Variants in PEX5L observed in about 807,000 individuals in gnomAD.
PEX5L encodes the protein peroxisomal biogenesis factor 5 like, also known as PEX5-related protein.
A neutral mutation model predicts 84.0 loss-of-function variants in PEX5L; 30 were observed. The observed-to-expected ratio is 0.36, with a 90% CI of 0.27 to 0.48. The LOEUF (loss-of-function observed/expected upper bound fraction) is 0.48, where lower values mean the gene tolerates loss of function less well. PEX5L is among the 20% of genes least tolerant of loss of function. The pLI is 0.99. For missense variants in PEX5L, 533 were observed against 754.6 expected, an observed-to-expected ratio of 0.71 and a Z score of 3.44; for synonymous variants, 270 against 283.1, an observed-to-expected ratio of 0.95 and a Z score of 0.46.
intron 7 of PEX5L, among the ~76,000 whole-genome samples, chr3:179,864,200 G>A (rs1160797658): frequency 6.6e-6 from 1 of 152,056 alleles, no homozygotes; most frequent in South Asian, 2.1e-4. Flanking sequence ...ATATCCAAAG[G>A]AAATGAAATC....
intron 2 of PEX5L, chr3:179,902,595 C>T (rs569967425): frequency 1.1e-4 from 51 of 443,714 alleles, no homozygotes; most frequent in African/African-American, 7.7e-4. Flanking sequence ...TAGGTTTATA[C>T]GCTTTAGCAT....
chr3:180,018,123 C>T (rs1790096341), intron 1 of PEX5L, among the ~76,000 whole-genome samples: 1 of 152,174 alleles, frequency 6.6e-6, no homozygotes, highest in Non-Finnish European at 1.5e-5. Flanking sequence ...ATATACGTTA[C>T]ATTAGAACAT....
intron 3 of PEX5L, among the ~76,000 whole-genome samples, chr3:179,896,878 A>G (rs920551653): frequency 2.0e-5 from 3 of 152,150 alleles, no homozygotes; most frequent in African/African-American, 4.8e-5. Flanking sequence ...TACTATGTAT[A>G]TTAAGTAAAG....
chr3:179,958,043 C>A (rs1349089301), intron 2 of PEX5L, among the ~76,000 whole-genome samples: 2 of 152,148 alleles, frequency 1.3e-5, no homozygotes, highest in African/African-American at 4.8e-5. Flanking sequence ...CATACACACA[C>A]ACATGCACAC....
rs137989787 is a variant in PEX5L, at chr3:180,034,644, G to A, written c.21+1935C>T. Among the ~76,000 whole-genome samples the A allele has an allele frequency of 2.0e-3, 305 of 152,196 alleles. 3 individuals carry two copies. Among genetic ancestry groups the A allele is most frequent in the Middle Eastern group, 6.8e-3 (2 of 294 alleles). ...AAACGTACCTACTAAGGCCTCGGAAGTTTTATGCTTAACATTAATGGTTAA... is the reference window on the plus strand; with the variant it reads ...AAACGTACCTACTAAGGCCTCGGAAATTTTATGCTTAACATTAATGGTTAA... On this transcript the variant is annotated intron_variant, in intron 1 of 14. Transcript: ENST00000467460.
intron 2 of PEX5L, among the ~76,000 whole-genome samples, chr3:179,937,967 C>A (rs912441518): frequency 6.6e-6 from 1 of 152,094 alleles, no homozygotes; most frequent in Admixed American, 6.6e-5. Context: ...ACCTCTACTT[C>A]CAGCGCTTCC....
rs1009649533 is a variant in PEX5L at position 179,799,862 on chromosome 3, T to G, written c.*1966A>C. 6.6e-6 allele frequency: 1 copy of G among 152,246 alleles called. No homozygotes were observed. Among genetic ancestry groups the G allele is most frequent in the Non-Finnish European group, 1.5e-5 (1 of 68,066 alleles). The allele number at this position is 152,246 out of a possible 1,614,324, so 9.4% of individuals were successfully genotyped here. The stretch of plus-strand genomic sequence containing the variant: ...AAAGCATTGTTGAGCTTTACTTTGC[T>G]GCTGAGACTGTAGAGAAGCACGGTC... On this transcript the variant is annotated 3_prime_UTR_variant, in exon 15 of 15. Coordinates refer to ENST00000467460, the MANE Select transcript of PEX5L (RefSeq NM_016559.3).
Position 179,887,665 on chromosome 3 carries a change from A to G in PEX5L, c.310+8T>C. 2 of 1,540,472 alleles carry G rather than the reference A, an allele frequency of 1.3e-6. No individual in the cohort carries two copies. The highest frequency in any genetic ancestry group is 1.8e-6 in the Non-Finnish European group (2 of 1,113,136). ...TAGTTGAGGAACAGTTAAAAGTGAG[A>G]GAATTACCAGCTGTATTGGATGTTA... is the stretch of plus-strand genomic sequence containing the variant. On this transcript the variant is annotated splice_region_variant and intron_variant, in intron 4 of 14. Coordinates refer to ENST00000467460, the MANE Select transcript of PEX5L (RefSeq NM_016559.3).
chr3:180,031,859 C>T (rs1187240047), intron 1 of PEX5L, among the ~76,000 whole-genome samples: 1 of 152,022 alleles, frequency 6.6e-6, no homozygotes, highest in Admixed American at 6.5e-5. Context: ...TGTGTTTTAA[C>T]CTTTTCTTAT....
chr3:179,888,254 G>GCCTC, intron 3 of PEX5L: 1 of 870,144 alleles, frequency 1.1e-6, no homozygotes, highest in Non-Finnish European at 1.6e-6. Context: ...ATAAATGCCT[G>GCCTC]CCTCGTCTCC....
At chr3:179,803,005 G>T (rs1186691624) in intron 14 of PEX5L, among the ~76,000 whole-genome samples, 12 of 152,172 alleles carry the variant, frequency 7.9e-5, no homozygotes, top group African/African-American at 2.9e-4. Context: ...TCAAAGTGTG[G>T]TCTGGAGAAG....
At chr3:179,955,919 T>C (rs1780430571) in intron 2 of PEX5L, among the ~76,000 whole-genome samples, 1 of 152,166 alleles carries the variant, frequency 6.6e-6, no homozygotes, top group South Asian at 2.1e-4. Flanking sequence ...TATGGATGTG[T>C]TCATTTTTCT....
At position 179,946,498 on chromosome 3, in the gene PEX5L, T is replaced by C. The variant is rs77953880; in HGVS notation, c.93+25096A>G. Among the ~76,000 whole-genome samples the C allele has an allele frequency of 3.9e-3, 587 of 152,222 alleles. 7 individuals carry two copies. The highest frequency in any genetic ancestry group is 0.013 in the African/African-American group (553 of 41,552). On this transcript the variant is annotated intron_variant, in intron 2 of 14. Coordinates refer to ENST00000467460, the MANE Select transcript of PEX5L (RefSeq NM_016559.3). ...GAAAAAACATATGCGATAGAGAAGT[T>C]AGATGAGAAACTGTTAGAATAGAGG...
intron 8 of PEX5L, among the ~76,000 whole-genome samples, chr3:179,826,171 G>GA: frequency 2.6e-5 from 4 of 152,238 alleles, no homozygotes; most frequent in Admixed American, 2.6e-4. Context: ...ACAATATAAG[G>GA]TTCAAGAAGT....
chr3:179,959,829 T>C lies in PEX5L; in HGVS notation c.93+11765A>G, dbSNP rs112371708. 2.2e-4 allele frequency among the ~76,000 whole-genome samples: 34 copies of C among 152,298 alleles called. 1 individual carries two copies. Among genetic ancestry groups the C allele is most frequent in the Admixed American group, 7.2e-4 (11 of 15,294 alleles). ...TCACTCACCACATGGGAAGAACCAC[T>C]GTGGCAGCAGAGCAGAATAAGGACA... On this transcript the variant is annotated intron_variant, in intron 2 of 14. Coordinates refer to ENST00000467460, the MANE Select transcript of PEX5L (RefSeq NM_016559.3).
chr3:179,811,113 A>C (rs547264651), intron 11 of PEX5L, among the ~76,000 whole-genome samples: 1 of 152,282 alleles, frequency 6.6e-6, no homozygotes, highest in East Asian at 1.9e-4. Context: ...GAATTGCAAG[A>C]GTCTAGAATT....
intron 1 of PEX5L, among the ~76,000 whole-genome samples, chr3:179,995,848 C>T (rs575801792): frequency 5.3e-5 from 8 of 152,094 alleles, no homozygotes; most frequent in East Asian, 1.9e-4. Flanking sequence ...TTAAAGTGAG[C>T]GCATTGATTG....
chr3:179,863,706 A>G (rs1747068424), intron 7 of PEX5L, among the ~76,000 whole-genome samples: 1 of 152,134 alleles, frequency 6.6e-6, no homozygotes, highest in Admixed American at 6.6e-5. Flanking sequence ...GTGGAGAGAA[A>G]AGAACCCTTG....
chr3:179,841,712 A>G (rs924242456), intron 8 of PEX5L, among the ~76,000 whole-genome samples: 22 of 152,218 alleles, frequency 1.4e-4, no homozygotes, highest in African/African-American at 5.1e-4. Flanking sequence ...TCACATATGT[A>G]GTACACTCAG....
Sources: gnomAD v4.1 joint callset for allele counts (sites outside exome capture counted in the v4.1 genomes callset) on GRCh38, gnomAD v4.1.1 for gene constraint, MANE v1.5 for transcripts, NCBI Gene and HGNC (gene_info 2026-07-23, HGNC 2026-07-21) for gene names.